Variants in TBC1D4 observed in about 807,000 individuals in gnomAD.
The protein encoded by TBC1D4 is TBC (Tre-2, BUB2, CDC16) domain-containing protein.
Under a neutral mutation model 142.5 loss-of-function variants are expected in TBC1D4, and 121 were observed. The ratio of observed to expected loss-of-function variants is 0.85; its 90% CI spans 0.73 to 0.99. The LOEUF is 0.99. Among genes scored for constraint, TBC1D4 ranks in the 50% least tolerant of loss-of-function variants. The probability of loss-of-function intolerance (pLI) is 0.00; values close to 1 mark genes in which losing one functional copy is unlikely to be tolerated. For synonymous variants in TBC1D4, 630 were observed against 628.2 expected (o/e 1.00, Z -0.04); for missense variants, 1,475 against 1,606.6 (o/e 0.92, Z 1.40).
intron 1 of TBC1D4, among the ~76,000 whole-genome samples, chr13:75,448,674 T>G (rs1351220897): frequency 6.6e-6 from 1 of 151,950 alleles, no homozygotes; most frequent in South Asian, 2.1e-4. Context: ...TTATACGGTG[T>G]TTTTAACCAA....
At chr13:75,352,796 G>C (rs1198396300) in intron 4 of TBC1D4, among the ~76,000 whole-genome samples, 1 of 152,118 alleles carries the variant, frequency 6.6e-6, no homozygotes, top group Admixed American at 6.5e-5. Flanking sequence ...GTGTATTCTT[G>C]GTACTCAGAG....
At chr13:75,417,336 G>A (rs1885963206) in intron 1 of TBC1D4, among the ~76,000 whole-genome samples, 1 of 152,154 alleles carries the variant, frequency 6.6e-6, no homozygotes, top group South Asian at 2.1e-4. Flanking sequence ...CCTCAAACCT[G>A]TGTCCTGCAC....
At chr13:75,450,679 T>C (rs1887497794) in intron 1 of TBC1D4, among the ~76,000 whole-genome samples, 1 of 152,184 alleles carries the variant, frequency 6.6e-6, no homozygotes, top group Admixed American at 6.5e-5. Flanking sequence ...CTTCCTTAAA[T>C]AGGCATGATT....
At chr13:75,310,884 T>C (rs568640787) in intron 13 of TBC1D4, among the ~76,000 whole-genome samples, 16 of 152,306 alleles carry the variant, frequency 1.1e-4, no homozygotes, top group African/African-American at 3.8e-4. Flanking sequence ...ATCCCGCTTA[T>C]AAGTGAGAAC....
chr13:75,463,963 CCAACT>C (rs1341518318), intron 1 of TBC1D4, among the ~76,000 whole-genome samples: 2 of 152,170 alleles, frequency 1.3e-5, no homozygotes, highest in African/African-American at 4.8e-5. Flanking sequence ...AACAGAAAAA[CCAACT>C]CAACTCATGT....
intron 4 of TBC1D4, among the ~76,000 whole-genome samples, chr13:75,349,577 C>A (rs183711957): frequency 6.6e-6 from 1 of 152,246 alleles, no homozygotes; most frequent in Admixed American, 6.5e-5. Flanking sequence ...GCATTGAGGG[C>A]TATGCCGTCA....
chr13:75,364,334 G>A (rs1487427749), intron 1 of TBC1D4, among the ~76,000 whole-genome samples: 2 of 152,178 alleles, frequency 1.3e-5, no homozygotes, highest in African/African-American at 2.4e-5. Context: ...ATGACCACAG[G>A]TGACTGAAAC....
At chr13:75,289,185 T>A in intron 19 of TBC1D4, 75 bp from the exon 20 acceptor site, 1 of 1,544,314 alleles carries the variant, frequency 6.5e-7, no homozygotes, top group Non-Finnish European at 8.9e-7. Flanking sequence ...TCTTGGTATA[T>A]TTCATGTATA....
chr13:75,441,780 A>G (rs116503960), intron 1 of TBC1D4, among the ~76,000 whole-genome samples: 3,010 of 152,338 alleles, frequency 0.02, 109 homozygotes, highest in African/African-American at 0.066. Context: ...CAGTAAAATC[A>G]GTAACTTCAT....
intron 1 of TBC1D4, among the ~76,000 whole-genome samples, chr13:75,378,441 T>G (rs151164672): frequency 3.3e-5 from 5 of 152,192 alleles, no homozygotes; most frequent in African/African-American, 1.2e-4. Context: ...GAGAAAACAT[T>G]AAATGGTGTA....
At chr13:75,451,532 T>C (rs1887531011) in intron 1 of TBC1D4, among the ~76,000 whole-genome samples, 1 of 150,000 alleles carries the variant, frequency 6.7e-6, no homozygotes, top group African/African-American at 2.4e-5. Flanking sequence ...ATAAAAAATG[T>C]AGCCAGGCAT....
chr13:75,481,444 C>G lies in TBC1D4; in HGVS notation c.324G>C (p.Ser108=). The G allele has an allele frequency of 6.2e-7, 1 of 1,613,804 alleles. No individual in the cohort carries two copies. The highest frequency in any genetic ancestry group is 8.5e-7 in the Non-Finnish European group (1 of 1,179,782). ...GAGASGGTSP[S]ATQPNPAVFI... ...ATACCGCCGGGTTGGGCTGCGTGGC[C>G]GACGGACTAGTGCCCCCCGAGGCCC... Residue 108 remains serine (S), a synonymous_variant, in exon 1 of 21, where the codon TCG becomes TCC. Coordinates refer to ENST00000377636, the MANE Select transcript of TBC1D4 (RefSeq NM_014832.5).
At chr13:75,456,096 G>A (rs1319091065) in intron 1 of TBC1D4, among the ~76,000 whole-genome samples, 2 of 151,864 alleles carry the variant, frequency 1.3e-5, no homozygotes, top group Non-Finnish European at 2.9e-5. Context: ...CCAGTAGCTA[G>A]GATTATAGGC....
chr13:75,412,736 T>C (rs558449144), intron 1 of TBC1D4, among the ~76,000 whole-genome samples: 1 of 152,352 alleles, frequency 6.6e-6, no homozygotes, highest in Non-Finnish European at 1.5e-5. Flanking sequence ...GAAAAAAAGA[T>C]ACTAAATTTG....
At chr13:75,460,546 C>G (rs1193753524) in intron 1 of TBC1D4, among the ~76,000 whole-genome samples, 1 of 152,102 alleles carries the variant, frequency 6.6e-6, no homozygotes, top group Non-Finnish European at 1.5e-5. Context: ...AGATGGAGTT[C>G]AGACAAAGAG....
At chr13:75,306,512 CA>C (rs1354826277) in intron 14 of TBC1D4, 41 bp from the exon 15 acceptor site, 2 of 1,608,830 alleles carry the variant, frequency 1.2e-6, no homozygotes, top group East Asian at 4.5e-5. Flanking sequence ...ATGTGTTTTT[CA>C]AATGTAAAAC....
chr13:75,336,756 C>G (rs913556181), intron 8 of TBC1D4, among the ~76,000 whole-genome samples, 165 bp downstream of exon 8: 2 of 151,482 alleles, frequency 1.3e-5, no homozygotes, highest in Non-Finnish European at 2.9e-5. Context: ...AACAAAAAAA[C>G]AAAAGAAAAA....
chr13:75,410,051 C>G (rs28544051), intron 1 of TBC1D4, among the ~76,000 whole-genome samples: 1 of 152,166 alleles, frequency 6.6e-6, no homozygotes, highest in African/African-American at 2.4e-5. Context: ...ACTCAGTTGC[C>G]TGCCTTGTAT....
chr13:75,388,202 A>G (rs1181677376), intron 1 of TBC1D4, among the ~76,000 whole-genome samples: 3 of 152,212 alleles, frequency 2.0e-5, no homozygotes, highest in African/African-American at 7.2e-5. Flanking sequence ...TGGATAATCC[A>G]GGATAATCTC....
Sources: allele counts gnomAD v4.1 joint callset (sites outside exome capture counted in the v4.1 genomes callset), GRCh38; gene constraint gnomAD v4.1.1; transcripts MANE v1.5; gene names NCBI Gene and HGNC (gene_info 2026-07-23, HGNC 2026-07-21).